Variants in KANK1 observed in about 807,000 individuals in gnomAD.
KANK1 encodes KN motif and ankyrin repeat domain-containing protein 1.
Under a neutral mutation model 106.2 loss-of-function variants are expected in KANK1, and 109 were observed. The observed-to-expected ratio is 1.03, with a 90% confidence interval of 0.88 to 1.20. The LOEUF is 1.20. KANK1 is among the 50% of genes most tolerant of loss of function. KANK1 has a pLI of 0.00. For missense variants in KANK1, 2,399 were observed against 1,710.7 expected, an observed-to-expected ratio of 1.40 and a Z score of -7.10; for synonymous variants, 873 against 652.2, an observed-to-expected ratio of 1.34 and a Z score of -5.16.
rs780549792 is a variant in KANK1, at chr9:711,589, AAGGAGCTGG to A, written c.830_838del (p.Leu277_Glu279del). 6.2e-7 allele frequency: 1 copy of A among 1,614,126 alleles called. No homozygotes were observed. The highest frequency in any genetic ancestry group is 8.5e-7 in the Non-Finnish European group (1 of 1,180,022). ...GATGGCCATTGCTCTGAAACGCCTG[AAGGAGCTGG>A]AGGAGCAGGTGCGAACCATCCCTGT... On this transcript the variant is annotated inframe_deletion, in exon 3 of 12. Coordinates refer to ENST00000382297, the MANE Select transcript of KANK1 (RefSeq NM_015158.5).
chr9:595,457 C>T (rs1003010313), intron 1 of KANK1, among the ~76,000 whole-genome samples: 6 of 151,922 alleles, frequency 3.9e-5, no homozygotes, highest in Middle Eastern at 3.2e-3. Context: ...GAGGAAAAGC[C>T]TGCAAAATGA....
At chr9:596,603 A>G (rs1354607694) in intron 1 of KANK1, among the ~76,000 whole-genome samples, 1 of 151,748 alleles carries the variant, frequency 6.6e-6, no homozygotes, top group Non-Finnish European at 1.5e-5. Context: ...GATTCAGAAG[A>G]TGCCCGTTTA....
intron 3 of KANK1, among the ~76,000 whole-genome samples, chr9:481,508 G>T (rs921363839): frequency 6.6e-6 from 1 of 152,184 alleles, no homozygotes; most frequent in African/African-American, 2.4e-5. Context: ...AGAAAGTGGA[G>T]TTGAACAGAA....
chr9:520,765 G>T (rs531580004), intron 1 of KANK1, among the ~76,000 whole-genome samples: 2 of 151,752 alleles, frequency 1.3e-5, no homozygotes, highest in Admixed American at 6.6e-5. Context: ...AATCTTTTAT[G>T]AATTGGAGAG....
At chr9:628,321 A>C (rs560109624) in intron 1 of KANK1, among the ~76,000 whole-genome samples, 5 of 152,214 alleles carry the variant, frequency 3.3e-5, no homozygotes, top group Admixed American at 6.5e-5. Context: ...CTTGTTTTTG[A>C]GACTTTGGTT....
chr9:613,740 AACTTT>A (rs550310565), intron 1 of KANK1, among the ~76,000 whole-genome samples: 7 of 152,226 alleles, frequency 4.6e-5, no homozygotes, highest in African/African-American at 1.4e-4. Context: ...ATACTTCTTG[AACTTT>A]ACTTTAAAAA....
At position 606,713 on chromosome 9, in the gene KANK1, A is replaced by G. The variant is rs564267869; in HGVS notation, c.-83-70177A>G. ...TTTCTTATGACAGTTGCAGCTACAA[A>G]GGAAGATTAAAGCTTTTTAAAAAGT... On this transcript the variant is annotated intron_variant, in intron 1 of 11. Transcript: ENST00000382297. Among the ~76,000 whole-genome samples the G allele has an allele frequency of 4.0e-5, 6 of 151,558 alleles. 1 individual carries two copies. The East Asian group carries it at 1.2e-3, about 29-fold the overall frequency.
chr9:506,841 C>T (rs1051237942), intron 1 of KANK1, among the ~76,000 whole-genome samples: 3 of 151,830 alleles, frequency 2.0e-5, no homozygotes, highest in African/African-American at 7.3e-5. Flanking sequence ...GGATAATGGC[C>T]GAAAGGGGCA....
intron 7 of KANK1, among the ~76,000 whole-genome samples, chr9:737,834 T>G (rs1050752003): frequency 1.3e-5 from 2 of 152,202 alleles, no homozygotes; most frequent in South Asian, 2.1e-4. Flanking sequence ...CTATGAAAAT[T>G]GTTTGCAAGG....
At chr9:508,982 T>C (rs912657558) in intron 1 of KANK1, among the ~76,000 whole-genome samples, 1 of 152,244 alleles carries the variant, frequency 6.6e-6, no homozygotes, top group African/African-American at 2.4e-5. Flanking sequence ...TGCGGATTTC[T>C]GAAGTGGTTG....
chr9:498,008 C>T (rs1192391862), intron 3 of KANK1, among the ~76,000 whole-genome samples: 3 of 152,168 alleles, frequency 2.0e-5, no homozygotes, highest in Non-Finnish European at 2.9e-5. Flanking sequence ...TGCTTCCTTG[C>T]TGCCATATAC....
intron 1 of KANK1, among the ~76,000 whole-genome samples, chr9:535,590 C>T (rs576229556): frequency 6.6e-6 from 1 of 152,286 alleles, no homozygotes; most frequent in African/African-American, 2.4e-5. Flanking sequence ...GCTTTACTCT[C>T]AGCGTGAGAT....
chr9:689,605 G>A (rs756861208), intron 2 of KANK1, among the ~76,000 whole-genome samples: 1 of 152,112 alleles, frequency 6.6e-6, no homozygotes, highest in South Asian at 2.1e-4. Flanking sequence ...CCTAAATCCT[G>A]TCACACCCTA....
chr9:654,389 C>T (rs1409913893), intron 1 of KANK1, among the ~76,000 whole-genome samples: 1 of 152,162 alleles, frequency 6.6e-6, no homozygotes, highest in East Asian at 1.9e-4. Flanking sequence ...CCATGTCAGA[C>T]TCACTGAATC....
intron 7 of KANK1, among the ~76,000 whole-genome samples, chr9:736,104 T>TA (rs1833731265): frequency 6.6e-6 from 1 of 152,072 alleles, no homozygotes; most frequent in African/African-American, 2.4e-5. Context: ...ACTACCGGCG[T>TA]CCACCACAAC....
upstream of KANK1, chr9:504,635 C>G (rs1057217258): frequency 6.6e-6 from 1 of 151,310 alleles, no homozygotes; most frequent in Non-Finnish European, 1.5e-5. Context: ...GCGGTTCGGG[C>G]TTTAATTCTG....
Position 508,421 on chromosome 9 carries a change from G to A in KANK1, c.-84+3667G>A, listed in dbSNP as rs149061535. Among the ~76,000 whole-genome samples, 103 of 152,310 alleles carry A rather than the reference G, an allele frequency of 6.8e-4. 1 individual carries two copies. Among genetic ancestry groups the A allele is most frequent in the Non-Finnish European group, 1.3e-3 (91 of 68,026 alleles). ...CAAAGTGCTGGCATTACAGGCGTGA[G>A]CCACTGTGCCCAGCCTGTAGCTATA... On this transcript the variant is annotated intron_variant, in intron 1 of 11. Transcript: ENST00000382297.
At chr9:581,075 ACCTACCCAGAACTCCTGG>A (rs891799222) in intron 1 of KANK1, among the ~76,000 whole-genome samples, 28 of 151,990 alleles carry the variant, frequency 1.8e-4, no homozygotes, top group East Asian at 1.5e-3. Flanking sequence ...CCGAGCCCAC[ACCTACCCAGAACTCCTGG>A]CCTACCCAGA....
At chr9:695,718 C>T (rs1166397365) in intron 2 of KANK1, among the ~76,000 whole-genome samples, 1 of 152,104 alleles carries the variant, frequency 6.6e-6, no homozygotes, top group Non-Finnish European at 1.5e-5. Context: ...CTAGTAGTGA[C>T]AATAGAACCC....
Sources: allele counts gnomAD v4.1 joint callset (sites outside exome capture counted in the v4.1 genomes callset), GRCh38; gene constraint gnomAD v4.1.1; transcripts MANE v1.5; gene names NCBI Gene and HGNC (gene_info 2026-07-23, HGNC 2026-07-21).